DUSP15: variants seen among roughly 807,000 people sequenced by gnomAD.
The protein encoded by DUSP15 is dual specificity phosphatase 15.
Under a neutral mutation model 26.3 loss-of-function variants are expected in DUSP15, and 23 were observed. The ratio of observed to expected loss-of-function variants is 0.87; its 90% CI spans 0.63 to 1.24. The LOEUF (loss-of-function observed/expected upper bound fraction) is 1.24. Among genes scored for constraint, DUSP15 ranks in the 50% most tolerant of loss-of-function variants. The probability of loss-of-function intolerance (pLI) is 0.00; values close to 1 mark genes in which losing one functional copy is unlikely to be tolerated. For missense variants in DUSP15, 364 were observed against 320.6 expected (o/e 1.14, Z -1.03); for synonymous variants, 143 against 135.5 (o/e 1.06, Z -0.39).
chr20:31,849,418 GC>G (rs1411504134), intron 8 of DUSP15: 9 of 503,954 alleles, frequency 1.8e-5, no homozygotes, highest in Non-Finnish European at 3.0e-5. Context: ...GCACCCTTAG[GC>G]CCATCCCCCT....
Position 31,870,163 on chromosome 20 carries a change from A to G in DUSP15, c.21+154T>C. Reference sequence around the variant, plus strand: ...GCAGGGTCAGAGAGGGGGAGACCCGACAGCCGCGGTCTCGAGTCACAGGGA... The same window carrying G: ...GCAGGGTCAGAGAGGGGGAGACCCGGCAGCCGCGGTCTCGAGTCACAGGGA... On this transcript the variant is annotated intron_variant, in intron 1 of 6. Transcript: ENST00000339738. This position sits in a 1 kb window ranked among gnomAD's most constrained non-coding sequence, Gnocchi z 6.6. The G allele has an allele frequency of 8.2e-7, 1 of 1,225,622 alleles. No individual in the cohort carries two copies. Among genetic ancestry groups the G allele is most frequent in the East Asian group, 3.3e-5 (1 of 30,742 alleles). 75.9% of individuals were successfully genotyped at this position (1,225,622 alleles called of 1,614,324 possible).
At chr20:31,865,330 G>A (rs980766051) in intron 3 of DUSP15, among the ~76,000 whole-genome samples, 2 of 152,044 alleles carry the variant, frequency 1.3e-5, no homozygotes, top group African/African-American at 2.4e-5. Context: ...CTCCAAATGG[G>A]AATTACAAAA....
chr20:31,852,004 CTTTCTTTT>C (rs2062477525), intron 6 of DUSP15, among the ~76,000 whole-genome samples: 1 of 128,892 alleles, frequency 7.8e-6, no homozygotes, highest in Non-Finnish European at 1.6e-5. Context: ...CCTTTTCTTT[CTTTCTTTT>C]TTTTTTTTTT....
Position 31,870,226 on chromosome 20 carries a change from A to T in DUSP15, c.21+91T>A. On this transcript the variant is annotated intron_variant, in intron 1 of 6. Transcript: ENST00000339738. The surrounding 1 kb of genome is among the most constrained non-coding windows in gnomAD (Gnocchi z 6.6). ...GCCGCACGGAGACCGGCGAGAACAG[A>T]AGGTCAGAGGCGGGCGGACCGAGCT... 3 of 1,226,230 alleles carry T rather than the reference A, an allele frequency of 2.4e-6. No homozygotes were observed. The highest frequency in any genetic ancestry group is 3.0e-6 in the Non-Finnish European group (3 of 984,118). The allele number at this position is 1,226,230 out of a possible 1,614,324, so 76.0% of individuals were successfully genotyped here.
chr20:31,869,792 G>T, intron 1 of DUSP15, 195 bp from the exon 2 acceptor site: 1 of 1,441,266 alleles, frequency 6.9e-7, no homozygotes, highest in Non-Finnish European at 9.1e-7. Flanking sequence ...GGGTAGGCTA[G>T]GGGGCCAGTT....
chr20:31,855,247 CT>C (rs1231878232), intron 6 of DUSP15, among the ~76,000 whole-genome samples: 2 of 152,182 alleles, frequency 1.3e-5, no homozygotes, highest in African/African-American at 4.8e-5. Flanking sequence ...CTTGTTTGAC[CT>C]GAGCTTCGAA....
rs1197743786 is a variant in DUSP15 at position 31,867,130 on chromosome 20, C to T, written c.79G>A (p.Gly27Ser). Reference protein sequence around the residue: ...FIDAKDLDQLGRNKITHIISI... With the variant: ...FIDAKDLDQLSRNKITHIISI... Reference sequence around the variant, plus strand: ...ATGATGTGTGTGATCTTATTTCGGCCCAGCTGATCCAGGTCTTTGGCATCT... The same window carrying T: ...ATGATGTGTGTGATCTTATTTCGGCTCAGCTGATCCAGGTCTTTGGCATCT... The change falls in exon 3 of 7, where the codon GGC (glycine) becomes AGC (serine). Residue 27 changes from glycine to serine, a missense_variant. By Grantham distance (56) the Gly-to-Ser change is moderately conservative. Coordinates refer to ENST00000339738, the MANE Select transcript of DUSP15 (RefSeq NM_080611.5). 6.3e-7 allele frequency: 1 copy of T among 1,589,790 alleles called. No homozygotes were observed. Among genetic ancestry groups the T allele is most frequent in the Non-Finnish European group, 8.6e-7 (1 of 1,167,382 alleles).
upstream of DUSP15, chr20:31,870,539 C>A (rs1274076994): frequency 6.9e-7 from 1 of 1,452,530 alleles, no homozygotes; most frequent in Non-Finnish European, 9.0e-7. This position sits in a 1 kb window ranked among gnomAD's most constrained non-coding sequence, Gnocchi z 6.6. Flanking sequence ...GTGGTGGAGC[C>A]GCCGCTGCCA....
downstream of DUSP15, among the ~76,000 whole-genome samples, chr20:31,847,483 A>G (rs566229570): frequency 1.3e-5 from 2 of 152,336 alleles, no homozygotes; most frequent in East Asian, 3.9e-4. Context: ...ACAAACAGCA[A>G]TTGATTGATT....
chr20:31,864,850 G>A (rs1242887291), intron 4 of DUSP15, 103 bp downstream of exon 4: 12 of 1,228,710 alleles, frequency 9.8e-6, no homozygotes, highest in Middle Eastern at 1.9e-4. Flanking sequence ...ACCTGTGATA[G>A]CTCTCTGGCC....
intron 6 of DUSP15, among the ~76,000 whole-genome samples, chr20:31,853,613 G>T (rs2062510819): frequency 6.6e-6 from 1 of 151,526 alleles, no homozygotes; most frequent in Non-Finnish European, 1.5e-5. Context: ...CATGAGCCCA[G>T]GAGGTCGAGG....
Position 31,861,214 on chromosome 20 carries a change from C to T in DUSP15, c.*189G>A, listed in dbSNP as rs1169944600. ...ACCAGGTGGCTGCAGCAGGCCGGCCCGGACACAGAGACGCACAGGTTGGGG... is the reference window on the plus strand; with the variant it reads ...ACCAGGTGGCTGCAGCAGGCCGGCCTGGACACAGAGACGCACAGGTTGGGG... On this transcript the variant is annotated 3_prime_UTR_variant, in exon 7 of 7. Transcript: ENST00000339738. 1.5e-6 allele frequency: 2 copies of T among 1,352,666 alleles called. No individual in the cohort carries two copies. The highest frequency in any genetic ancestry group is 1.5e-5 in the African/African-American group (1 of 64,932). 83.8% of individuals were successfully genotyped at this position (1,352,666 alleles called of 1,614,324 possible). A position where few individuals can be genotyped will look rare whatever the true frequency, so the allele number is the denominator to read the frequency against.
Position 31,870,382 on chromosome 20 carries a change from G to T in DUSP15, c.-45C>A. ...CGGGTGCACCCCCAGCTCGCCGCCCGGGAAGCGATCCGGTCACAGCTGCCC... is the reference window on the plus strand; with the variant it reads ...CGGGTGCACCCCCAGCTCGCCGCCCTGGAAGCGATCCGGTCACAGCTGCCC... On this transcript the variant is annotated 5_prime_UTR_variant, in exon 1 of 7. Transcript: ENST00000339738. This position sits in a 1 kb window ranked among gnomAD's most constrained non-coding sequence, Gnocchi z 6.6. 7.8e-7 allele frequency: 1 copy of T among 1,279,316 alleles called. No individual in the cohort carries two copies. Among genetic ancestry groups the T allele is most frequent in the South Asian group, 3.4e-5 (1 of 29,514 alleles). 79.2% of individuals were successfully genotyped at this position (1,279,316 alleles called of 1,614,324 possible). A position where few individuals can be genotyped will look rare whatever the true frequency, so the allele number is the denominator to read the frequency against.
At chr20:31,859,190 GCAGTGCCCCA>G (rs1012278391), downstream of DUSP15, among the ~76,000 whole-genome samples, 3 of 151,944 alleles carry the variant, frequency 2.0e-5, no homozygotes, top group Non-Finnish European at 4.4e-5. Context: ...GGGAGCCTAA[GCAGTGCCCCA>G]CACTGCCTGC....
chr20:31,849,630 C>G, intron 8 of DUSP15: 1 of 1,517,144 alleles, frequency 6.6e-7, no homozygotes, highest in Non-Finnish European at 8.9e-7. Flanking sequence ...GGCACAGGCG[C>G]TTGGTGAACA....
chr20:31,850,691 G>A (rs2062454898), intron 6 of DUSP15: 1 of 1,608,856 alleles, frequency 6.2e-7, no homozygotes, highest in Non-Finnish European at 8.5e-7. Context: ...TGAAGGAGAG[G>A]AAGCAGTCAG....
rs774473654 is a variant in DUSP15, at chr20:31,863,953, A to G, written c.217T>C (p.Phe73Leu). 4.3e-6 allele frequency: 7 copies of G among 1,613,590 alleles called. No individual in the cohort carries two copies. The highest frequency in any genetic ancestry group is 5.9e-6 in the Non-Finnish European group (7 of 1,179,840). The change falls in exon 5 of 7, where the codon TTC (phenylalanine) becomes CTC (leucine). Residue 73 changes from phenylalanine (F) to leucine (L), a missense_variant. By Grantham distance (22) the Phe-to-Leu change is conservative (BLOSUM62 0). Coordinates refer to ENST00000339738, the MANE Select transcript of DUSP15 (RefSeq NM_080611.5). The part of the protein sequence containing the change: ...IKKHFKECIN[F>L]IHCCRLNGGN... ...CCATTAAGGCGGCAGCAGTGGATGAAGTTGATACATTCTTTGAAGTGCTTT... is the reference window on the plus strand; with the variant it reads ...CCATTAAGGCGGCAGCAGTGGATGAGGTTGATACATTCTTTGAAGTGCTTT...
At position 31,861,371 on chromosome 20, in the gene DUSP15, CGGAAG is replaced by C; in HGVS notation, c.*27_*31del. 1 of 1,501,770 alleles carries C rather than the reference CGGAAG, an allele frequency of 6.7e-7. No homozygotes were observed. The highest frequency in any genetic ancestry group is 2.2e-5 in the Admixed American group (1 of 46,260). The allele number at this position is 1,501,770 out of a possible 1,614,324, so 93.0% of individuals were successfully genotyped here. On this transcript the variant is annotated 3_prime_UTR_variant, in exon 7 of 7. Coordinates refer to ENST00000339738, the MANE Select transcript of DUSP15 (RefSeq NM_080611.5). ...CAGACAGCCCCCGAAGGGAGCCAGT[CGGAAG>C]TGGGGAGCCACGGCTGGACTGCATC...
chr20:31,855,914 A>G (rs576437290), intron 6 of DUSP15, among the ~76,000 whole-genome samples: 1 of 152,338 alleles, frequency 6.6e-6, no homozygotes, highest in East Asian at 1.9e-4. Flanking sequence ...AAATGAATGC[A>G]TCGGGGGAGG....
Sources: gnomAD v4.1 joint callset for allele counts (sites outside exome capture counted in the v4.1 genomes callset) on GRCh38, gnomAD v4.1.1 for gene constraint, Gnocchi (gnomAD v3.1) non-coding constraint, MANE v1.5 for transcripts, NCBI Gene and HGNC (gene_info 2026-07-23, HGNC 2026-07-21) for gene names.